Variants in DLG2 observed in about 807,000 individuals in gnomAD.
DLG2 encodes discs large MAGUK scaffold protein 2.
A neutral mutation model predicts 132.5 loss-of-function variants in DLG2; 45 were observed. The ratio of observed to expected loss-of-function variants is 0.34; its 90% CI spans 0.27 to 0.44. The LOEUF (loss-of-function observed/expected upper bound fraction) is 0.44, where lower values mean the gene tolerates loss of function less well. Among genes scored for constraint, DLG2 ranks in the 20% least tolerant of loss-of-function variants. The pLI, the probability that DLG2 is intolerant of heterozygous loss-of-function variation, is 1.00. For synonymous variants in DLG2, 424 were observed against 419.6 expected (o/e 1.01, Z -0.13); for missense variants, 1,045 against 1,196.9 (o/e 0.87, Z 1.87).
intron 6 of DLG2, among the ~76,000 whole-genome samples, chr11:84,904,480 AG>A (rs1218293972): frequency 6.6e-6 from 1 of 152,170 alleles, no homozygotes; most frequent in Non-Finnish European, 1.5e-5. Flanking sequence ...TAACTAAATC[AG>A]ACTATACTGT....
intron 9 of DLG2, among the ~76,000 whole-genome samples, chr11:84,125,626 G>A (rs1293157566): frequency 2.0e-5 from 3 of 152,172 alleles, no homozygotes; most frequent in Non-Finnish European, 4.4e-5. Flanking sequence ...TAGGCTTCAG[G>A]CACAGCTGTC....
intron 6 of DLG2, among the ~76,000 whole-genome samples, chr11:85,018,991 G>A (rs1196374778): frequency 2.6e-5 from 4 of 152,102 alleles, no homozygotes; most frequent in African/African-American, 9.7e-5. Context: ...TAACATTTGT[G>A]TTGAACTGCC....
At chr11:84,266,524 A>C (rs901724332) in intron 7 of DLG2, among the ~76,000 whole-genome samples, 14 of 152,244 alleles carry the variant, frequency 9.2e-5, no homozygotes, top group African/African-American at 3.4e-4. Flanking sequence ...ATTACTAAAC[A>C]GAAATGCAAA....
chr11:83,530,120 A>G (rs1393188410), intron 21 of DLG2, among the ~76,000 whole-genome samples: 8 of 151,878 alleles, frequency 5.3e-5, no homozygotes. Context: ...CTATCTATCC[A>G]TCTATCTCAA....
intron 15 of DLG2, among the ~76,000 whole-genome samples, chr11:83,886,185 T>C (rs1402017058): frequency 6.6e-6 from 1 of 152,176 alleles, no homozygotes; most frequent in Non-Finnish European, 1.5e-5. Context: ...CCCATCAGTG[T>C]GCTGTATTCA....
intron 6 of DLG2, among the ~76,000 whole-genome samples, chr11:84,795,503 G>A (rs2074466006): frequency 1.3e-5 from 2 of 152,120 alleles, no homozygotes; most frequent in Non-Finnish European, 2.9e-5. Flanking sequence ...ACCCACTGCA[G>A]GTCTCCTCTG....
intron 10 of DLG2, among the ~76,000 whole-genome samples, chr11:84,065,963 G>A (rs551800661): frequency 6.6e-6 from 1 of 152,126 alleles, no homozygotes; most frequent in African/African-American, 2.4e-5. Context: ...TCTAACACAG[G>A]AACAGAAAAC....
intron 3 of DLG2, among the ~76,000 whole-genome samples, chr11:85,289,143 G>A (rs1448171549): frequency 6.6e-6 from 1 of 152,074 alleles, no homozygotes; most frequent in East Asian, 1.9e-4. Flanking sequence ...CCATGATTAA[G>A]TCAAAGATGA....
intron 12 of DLG2, 89 bp from the exon 13 acceptor site, chr11:83,965,557 T>A: frequency 9.2e-7 from 1 of 1,085,390 alleles, no homozygotes; most frequent in Non-Finnish European, 1.3e-6. Context: ...AATTATAAAT[T>A]GTGATAATTA....
At chr11:84,685,523 T>A (rs1444508638) in intron 6 of DLG2, among the ~76,000 whole-genome samples, 1 of 152,212 alleles carries the variant, frequency 6.6e-6, no homozygotes, top group Non-Finnish European at 1.5e-5. Context: ...AGTCTTCTCA[T>A]ACATATATTA....
intron 6 of DLG2, among the ~76,000 whole-genome samples, chr11:84,970,204 T>A (rs2053891327): frequency 1.3e-5 from 2 of 152,122 alleles, no homozygotes; most frequent in Admixed American, 1.3e-4. Flanking sequence ...CTTCTTTCCA[T>A]TCCCTCTGAC....
intron 18 of DLG2, among the ~76,000 whole-genome samples, chr11:83,689,205 G>C (rs1329934590): frequency 6.6e-6 from 1 of 152,116 alleles, no homozygotes; most frequent in Non-Finnish European, 1.5e-5. Context: ...GGAAGGAGAG[G>C]ATGAGTCTTA....
chr11:85,154,512 T>C, intron 5 of DLG2, 44 bp downstream of exon 5: 1 of 951,114 alleles, frequency 1.1e-6, no homozygotes, highest in Non-Finnish European at 1.6e-6. Context: ...AGACAAGTCT[T>C]ACCCATGAAG....
Position 83,541,872 on chromosome 11 carries a change from C to CA in DLG2, c.1941-15dup, listed in dbSNP as rs781773170. On this transcript the variant is annotated splice_polypyrimidine_tract_variant and intron_variant, in intron 19 of 27. Transcript: ENST00000376104. ...TCGAACATGGCTCTGGAGGAAAGGA[C>CA]AAAAGAGGACATTGTTAGGAATCTC... The CA allele has an allele frequency of 1.3e-6, 2 of 1,580,320 alleles. No individual in the cohort carries two copies. The highest frequency in any genetic ancestry group is 3.6e-5 in the Admixed American group (2 of 56,088).
rs142435913 is a variant in DLG2 at position 84,925,817 on chromosome 11, C to T, written c.357+185844G>A. Among the ~76,000 whole-genome samples, 97 of 152,124 alleles carry T rather than the reference C, an allele frequency of 6.4e-4. 1 individual carries two copies. Among genetic ancestry groups the T allele is most frequent in the Middle Eastern group, 3.4e-3 (1 of 294 alleles). On this transcript the variant is annotated intron_variant, in intron 6 of 27. Transcript: ENST00000376104. The stretch of plus-strand genomic sequence containing the variant: ...CCAATGAGAATATTAATGATGAACC[C>T]TGCCATCAAAATAAACTCTGGAAGG...
At chr11:84,603,555 T>G (rs2099580389) in intron 6 of DLG2, among the ~76,000 whole-genome samples, 1 of 151,770 alleles carries the variant, frequency 6.6e-6, no homozygotes, top group Admixed American at 6.6e-5. Flanking sequence ...TAAAAGACAA[T>G]TCTTAGGGGT....
intron 7 of DLG2, among the ~76,000 whole-genome samples, chr11:84,532,685 C>G (rs1391113711): frequency 1.3e-5 from 2 of 152,142 alleles, no homozygotes; most frequent in Non-Finnish European, 2.9e-5. Context: ...TTTGCAGAGA[C>G]AAGGTCTTGC....
intron 7 of DLG2, among the ~76,000 whole-genome samples, chr11:84,511,619 G>A (rs1207893722): frequency 6.6e-6 from 1 of 152,020 alleles, no homozygotes; most frequent in African/African-American, 2.4e-5. Flanking sequence ...CAATATTAGG[G>A]CCTAAATAAT....
intron 20 of DLG2, among the ~76,000 whole-genome samples, chr11:83,534,386 GA>G (rs1454757654): frequency 1.3e-5 from 2 of 152,002 alleles, no homozygotes; most frequent in African/African-American, 4.8e-5. Context: ...AGATGTGGGG[GA>G]AAAAAGAGAA....
Sources: gnomAD v4.1 joint callset for allele counts (sites outside exome capture counted in the v4.1 genomes callset) on GRCh38, gnomAD v4.1.1 for gene constraint, MANE v1.5 for transcripts, NCBI Gene and HGNC (gene_info 2026-07-23, HGNC 2026-07-21) for gene names.